The following PABIR3 variants were observed in gnomAD, a reference collection of about 807,000 sequenced individuals.
PABIR3 encodes the protein PABIR family member 3.
In PABIR3, 20 loss-of-function variants were observed where a neutral mutation model predicts 23.1. The ratio of observed to expected loss-of-function variants is 0.86; its 90% CI spans 0.61 to 1.26. The LOEUF is 1.26. Among genes scored for constraint, PABIR3 ranks in the 50% most tolerant of loss-of-function variants. The pLI is 0.00. For missense variants in PABIR3, 189 were observed against 195.4 expected, an observed-to-expected ratio of 0.97 and a Z score of 0.20; for synonymous variants, 69 against 68.5, an observed-to-expected ratio of 1.01 and a Z score of -0.04.
At chrX:134,829,189 A>G in intron 3 of PABIR3, 37 bp from the exon 4 acceptor site, 1 of 1,139,880 alleles carries the variant, frequency 8.8e-7, no homozygotes, top group Non-Finnish European at 1.2e-6. Flanking sequence ...AATCACAAAC[A>G]TTAAAGCAAG....
chrX:134,832,931 T>A (rs1033323410), intron 4 of PABIR3: 1 of 111,565 alleles, frequency 9.0e-6, no homozygotes, highest in Non-Finnish European at 1.9e-5. Context: ...TAACTCTATT[T>A]TTCATTTTTT....
intron 3 of PABIR3, among the ~76,000 whole-genome samples, chrX:134,828,312 A>C (rs2081614491): frequency 9.1e-6 from 1 of 110,259 alleles, no homozygotes; most frequent in Non-Finnish European, 1.9e-5. Context: ...GCTGGTCTTG[A>C]ACTCCTGGCC....
chrX:134,852,859 T>G lies in PABIR3; in HGVS notation c.649T>G (p.Ser217Ala), dbSNP rs1412745325. Residue 217 changes from serine to alanine, a missense_variant, in exon 10 of 11, where the codon TCT becomes GCT. Ser to Ala is a moderately conservative substitution (Grantham distance 99). Coordinates refer to ENST00000645433, the MANE Select transcript of PABIR3 (RefSeq NM_001388447.1). ...KIFQGTTNML[S>A]SDTSQLSENN... The stretch of plus-strand genomic sequence containing the variant: ...TTTCCAAGGCACAACCAACATGCTT[T>G]CTTCTGATACTTCCCAACTGTCAGA... 32 of 1,138,526 alleles carry G rather than the reference T, an allele frequency of 2.8e-5. No homozygotes were observed. The highest frequency in any genetic ancestry group is 3.2e-5 in the Non-Finnish European group (28 of 865,728). 93.8% of individuals were successfully genotyped at this position (1,138,526 alleles called of 1,213,427 possible). A position where few individuals can be genotyped will look rare whatever the true frequency, so the allele number is the denominator to read the frequency against.
At chrX:134,862,142 GTTTTTT>G in the PABIR3 span, among the ~76,000 whole-genome samples, 1 of 47,909 alleles carries the variant, frequency 2.1e-5, no homozygotes, top group Non-Finnish European at 3.6e-5. Context: ...TTTATTGGCT[GTTTTTT>G]TTTTTTTTTT....
At chrX:134,864,590 T>C in the PABIR3 span, among the ~76,000 whole-genome samples, 1 of 112,065 alleles carries the variant, frequency 8.9e-6, no homozygotes, top group Non-Finnish European at 1.9e-5. Flanking sequence ...CTGGTTATTT[T>C]TGCCTGGAAT....
At chrX:134,809,402 T>C in intron 2 of PABIR3, 3 of 415,923 alleles carry the variant, frequency 7.2e-6, no homozygotes, top group Non-Finnish European at 9.1e-6. Flanking sequence ...CCTGACCTTG[T>C]GATCCGCCCA....
intron 4 of PABIR3, chrX:134,831,673 G>A (rs2081786640): frequency 9.0e-6 from 1 of 111,447 alleles, no homozygotes; most frequent in Admixed American, 9.6e-5. Flanking sequence ...ATATAGGTAT[G>A]CAACATGTAA....
chrX:134,814,966 G>A (rs998903567), intron 3 of PABIR3, 117 bp downstream of exon 3: 16 of 533,902 alleles, frequency 3.0e-5, no homozygotes, highest in Middle Eastern at 3.5e-4. Context: ...GATGGCCAGC[G>A]GGAGTCTCAC....
intron 4 of PABIR3, among the ~76,000 whole-genome samples, chrX:134,840,216 C>G (rs2082176029): frequency 9.0e-6 from 1 of 111,216 alleles, no homozygotes; most frequent in Middle Eastern, 4.2e-3. Context: ...GGGACACAAA[C>G]ACTGCGGAAG....
At chrX:134,815,500 G>A (rs758250505) in intron 3 of PABIR3, among the ~76,000 whole-genome samples, 2 of 111,352 alleles carry the variant, frequency 1.8e-5, no homozygotes, top group African/African-American at 3.3e-5. Flanking sequence ...GGCATTTAGT[G>A]TATTCACAAT....
chrX:134,843,857 G>A (rs2082340858), intron 4 of PABIR3, among the ~76,000 whole-genome samples: 1 of 108,162 alleles, frequency 9.2e-6, no homozygotes, highest in Non-Finnish European at 1.9e-5. Flanking sequence ...GTGAGCCACC[G>A]CGCCCGGCTT....
Position 134,797,810 on chromosome X carries a change from A to ATTTT in PABIR3, c.-98+965_-98+968dup, listed in dbSNP as rs200169266. Among the ~76,000 whole-genome samples the ATTTT allele has an allele frequency of 1.9e-3, 168 of 88,075 alleles. 1 individual carries two copies. The highest frequency in any genetic ancestry group is 6.4e-3 in the African/African-American group (150 of 23,582). 76.5% of individuals were successfully genotyped at this position (88,075 alleles called of 115,157 possible). On this transcript the variant is annotated intron_variant, in intron 1 of 4. Transcript: ENST00000414371. ...ATGCCTCAGCGTGGGTGAGATCTGG[A>ATTTT]TTTTTTTTTTTTTTTTTTTTTTAAA... is the stretch of plus-strand genomic sequence containing the variant.
intron 8 of PABIR3, among the ~76,000 whole-genome samples, chrX:134,848,688 T>C (rs762666262): frequency 1.8e-5 from 2 of 111,757 alleles, no homozygotes; most frequent in East Asian, 2.8e-4. Flanking sequence ...GCATTCCAGT[T>C]TTTACCCATA....
At chrX:134,831,488 C>A (rs2081777413) in intron 4 of PABIR3, 1 of 111,931 alleles carries the variant, frequency 8.9e-6, no homozygotes, top group South Asian at 3.7e-4. Context: ...TGAACTTTCA[C>A]TTTAACAACA....
intron 4 of PABIR3, among the ~76,000 whole-genome samples, chrX:134,840,152 T>C (rs1244141543): frequency 3.6e-5 from 4 of 111,278 alleles, no homozygotes; most frequent in Non-Finnish European, 7.5e-5. Context: ...AACAGATGCT[T>C]GAAGGCAGCG....
chrX:134,816,801 C>A (rs780747598), intron 3 of PABIR3, among the ~76,000 whole-genome samples: 1 of 112,303 alleles, frequency 8.9e-6, no homozygotes, highest in South Asian at 3.7e-4. Context: ...TTATAGATTT[C>A]TCTTATAATA....
rs1166558056 is a variant in PABIR3 at position 134,829,283 on chromosome X, G to T, written c.246+1G>T. 1.7e-6 allele frequency: 2 copies of T among 1,196,123 alleles called. No individual in the cohort carries two copies. The highest frequency in any genetic ancestry group is 5.9e-5 in the East Asian group (2 of 33,627). On this transcript the variant is annotated splice_donor_variant, in intron 4 of 10. Coordinates refer to ENST00000645433, the MANE Select transcript of PABIR3 (RefSeq NM_001388447.1). LOFTEE classifies it high-confidence loss of function. ...CAGCCGCCTTCATCAAATCAAACAG[G>T]TAAGAAGACTTTCCAAACTGACAGC...
chrX:134,851,119 G>A (rs1442505226), intron 9 of PABIR3, among the ~76,000 whole-genome samples: 1 of 111,063 alleles, frequency 9.0e-6, no homozygotes, highest in Non-Finnish European at 1.9e-5. Flanking sequence ...GAGGTCCTGA[G>A]GCAGGGGGCG....
chrX:134,838,641 T>TCCCCC (rs2082057661), intron 4 of PABIR3: 1 of 21,618 alleles, frequency 4.6e-5, no homozygotes, highest in African/African-American at 2.7e-4. Context: ...TTCCTCCCTC[T>TCCCCC]CCCTCTCCCC....
Sources: allele counts gnomAD v4.1 joint callset (sites outside exome capture counted in the v4.1 genomes callset), GRCh38; gene constraint gnomAD v4.1.1; transcripts MANE v1.5; gene names NCBI Gene and HGNC (gene_info 2026-07-23, HGNC 2026-07-21).